CDC42BPA: variants seen among roughly 807,000 people sequenced by gnomAD.
The protein encoded by CDC42BPA is CDC42 binding protein kinase alpha, also known as serine/threonine-protein kinase MRCK alpha.
A neutral mutation model predicts 223.5 loss-of-function variants in CDC42BPA; 80 were observed. That is an observed-to-expected ratio of 0.36 (90% CI 0.30 to 0.43). The LOEUF is 0.43. Ranked by LOEUF, CDC42BPA falls within the 20% of genes least tolerant of loss-of-function variation. The pLI is 1.00. For missense variants in CDC42BPA, 1,743 were observed against 2,099.9 expected, an observed-to-expected ratio of 0.83 and a Z score of 3.32; for synonymous variants, 694 against 718.6, an observed-to-expected ratio of 0.97 and a Z score of 0.55.
chr1:227,173,380 C>A (rs1196596419), intron 5 of CDC42BPA, among the ~76,000 whole-genome samples: 1 of 152,152 alleles, frequency 6.6e-6, no homozygotes, highest in African/African-American at 2.4e-5. Flanking sequence ...GGTCGCTAGG[C>A]TCCTGGAATA....
intron 1 of CDC42BPA, among the ~76,000 whole-genome samples, chr1:227,306,768 A>G (rs147272337): frequency 6.6e-6 from 1 of 152,272 alleles, no homozygotes; most frequent in Non-Finnish European, 1.5e-5. Context: ...CAATCTCAAA[A>G]AGGGGCTTTA....
chr1:227,222,787 C>G (rs980163276), intron 2 of CDC42BPA, among the ~76,000 whole-genome samples: 2 of 152,222 alleles, frequency 1.3e-5, no homozygotes, highest in Non-Finnish European at 2.9e-5. Flanking sequence ...TTGGGGTCAT[C>G]ATACAGGTTC....
intron 21 of CDC42BPA, chr1:227,059,270 A>T: frequency 1.1e-6 from 1 of 911,988 alleles, no homozygotes; most frequent in Non-Finnish European, 1.8e-6. Context: ...TAGATGTAAT[A>T]ATATACCACA....
At position 227,148,772 on chromosome 1, in the gene CDC42BPA, C is replaced by CA. The variant is rs57635319; in HGVS notation, c.694-1214dup. On this transcript the variant is annotated intron_variant, in intron 6 of 36. Transcript: ENST00000366766. ...ACAGAGCAAGACTCGGTCTCAAAAG[C>CA]AAAAAAAAAAAAAAAAAAAAAAAAA... 6.1e-4 allele frequency among the ~76,000 whole-genome samples: 48 copies of CA among 78,786 alleles called. 4 individuals carry two copies. The highest frequency in any genetic ancestry group is 4.2e-3 in the East Asian group (9 of 2,162). 51.7% of individuals were successfully genotyped at this position (78,786 alleles called of 152,430 possible).
chr1:227,213,335 C>G lies in CDC42BPA; in HGVS notation c.271-116G>C, dbSNP rs937663409. The G allele has an allele frequency of 1.6e-5, 9 of 557,506 alleles. No homozygotes were observed. In the African/African-American group the frequency reaches 1.8e-4, roughly 11 times the overall value. The allele number at this position is 557,506 out of a possible 1,614,324, so 34.5% of individuals were successfully genotyped here. On this transcript the variant is annotated intron_variant, in intron 2 of 36. Transcript: ENST00000366766. ...ATACCAATTATCAATTATGTCAATG[C>G]AGTTCAAATTCTAAGATCCTAAATT...
chr1:227,274,236 C>G (rs1686550076), intron 1 of CDC42BPA, among the ~76,000 whole-genome samples: 1 of 152,080 alleles, frequency 6.6e-6, no homozygotes, highest in Non-Finnish European at 1.5e-5. Flanking sequence ...CAAAAATTCT[C>G]CACCTTCCAC....
intron 5 of CDC42BPA, among the ~76,000 whole-genome samples, chr1:227,173,513 G>A (rs1666446940): frequency 6.6e-6 from 1 of 152,142 alleles, no homozygotes; most frequent in African/African-American, 2.4e-5. Context: ...AAAGCTATCA[G>A]CCCAACATTT....
At chr1:227,025,105 T>A (rs1042830164) in intron 31 of CDC42BPA, among the ~76,000 whole-genome samples, 1 of 152,152 alleles carries the variant, frequency 6.6e-6, no homozygotes, top group Non-Finnish European at 1.5e-5. Flanking sequence ...TAGCAGGGCA[T>A]GGTGGTGTAC....
chr1:227,270,211 C>T (rs1476029431), intron 1 of CDC42BPA, among the ~76,000 whole-genome samples: 1 of 152,134 alleles, frequency 6.6e-6, no homozygotes, highest in Admixed American at 6.5e-5. Flanking sequence ...GTTAATTATG[C>T]TGTGTATGTA....
chr1:227,282,183 C>T (rs1245445850), intron 1 of CDC42BPA, among the ~76,000 whole-genome samples: 1 of 120,520 alleles, frequency 8.3e-6, no homozygotes, highest in Admixed American at 9.2e-5. Context: ...AGCAAAACTC[C>T]GTCTCAAAAA....
intron 6 of CDC42BPA, among the ~76,000 whole-genome samples, chr1:227,153,192 C>T (rs1055119401): frequency 1.3e-5 from 2 of 150,900 alleles, no homozygotes; most frequent in Non-Finnish European, 3.0e-5. Context: ...ACAAAATTAG[C>T]AATTTTAATC....
At chr1:227,308,622 T>G (rs891552103) in intron 1 of CDC42BPA, among the ~76,000 whole-genome samples, 1 of 151,846 alleles carries the variant, frequency 6.6e-6, no homozygotes, top group African/African-American at 2.4e-5. Context: ...AAATAAACTA[T>G]TAGTCTTATG....
chr1:227,008,226 G>A (rs1664476578), intron 34 of CDC42BPA, among the ~76,000 whole-genome samples: 1 of 152,146 alleles, frequency 6.6e-6, no homozygotes, highest in Admixed American at 6.5e-5. Flanking sequence ...TAATTCAGTT[G>A]GCAATGTAAT....
At chr1:227,314,495 T>C (rs1318682772) in intron 1 of CDC42BPA, among the ~76,000 whole-genome samples, 1 of 152,072 alleles carries the variant, frequency 6.6e-6, no homozygotes, top group Admixed American at 6.5e-5. Context: ...TTCTTATTGT[T>C]TTGATACTGC....
Position 227,280,511 on chromosome 1 carries a change from T to C in CDC42BPA, c.179-26356A>G, listed in dbSNP as rs561413005. Among the ~76,000 whole-genome samples the C allele has an allele frequency of 5.3e-5, 8 of 152,202 alleles. No homozygotes were observed. In the East Asian group the frequency reaches 1.2e-3, roughly 22 times the overall value. ...AGAGTTCAGACTGTTCTCAAACAGA[T>C]GGATTTTAGAAGACTAATTAGGAAA... On this transcript the variant is annotated intron_variant, in intron 1 of 36. Transcript: ENST00000366766.
intron 1 of CDC42BPA, among the ~76,000 whole-genome samples, chr1:227,313,956 T>G (rs1334255462): frequency 2.0e-5 from 3 of 151,378 alleles, no homozygotes; most frequent in Non-Finnish European, 2.9e-5. Context: ...AGCATCAAAA[T>G]AGTTATCCAT....
intron 23 of CDC42BPA, among the ~76,000 whole-genome samples, chr1:227,044,951 C>G (rs1672128605): frequency 6.6e-6 from 1 of 152,084 alleles, no homozygotes; most frequent in East Asian, 1.9e-4. Context: ...TGTAAAATCC[C>G]CTGGAATCTA....
chr1:227,119,767 A>T (rs1241256108), intron 12 of CDC42BPA, 37 bp downstream of exon 12: 7 of 1,368,464 alleles, frequency 5.1e-6, no homozygotes, highest in African/African-American at 1.5e-5. Context: ...GATTCAAAAT[A>T]GAGAAAAAGC....
At chr1:227,005,933 T>G (rs765865670) in intron 34 of CDC42BPA, among the ~76,000 whole-genome samples, 41 of 152,224 alleles carry the variant, frequency 2.7e-4, no homozygotes, top group Non-Finnish European at 4.0e-4. Flanking sequence ...CTGATTACGG[T>G]TGAGAACAGA....
Sources: allele counts gnomAD v4.1 joint callset (sites outside exome capture counted in the v4.1 genomes callset), GRCh38; gene constraint gnomAD v4.1.1; transcripts MANE v1.5; gene names NCBI Gene and HGNC (gene_info 2026-07-23, HGNC 2026-07-21).